The following NPAS3 variants were observed in gnomAD, a reference collection of about 807,000 sequenced individuals.
NPAS3 encodes neuronal PAS domain protein 3, also known as neuronal PAS domain-containing protein 3.
A neutral mutation model predicts 73.1 loss-of-function variants in NPAS3; 14 were observed. That is an observed-to-expected ratio of 0.19 (90% CI 0.13 to 0.30). The LOEUF (loss-of-function observed/expected upper bound fraction) is 0.30. Ranked by LOEUF, NPAS3 falls within the 10% of genes least tolerant of loss-of-function variation. NPAS3 has a pLI of 1.00. For synonymous variants in NPAS3, 620 were observed against 541.5 expected (o/e 1.14, Z -2.01); for missense variants, 1,096 against 1,250.0 (o/e 0.88, Z 1.86).
At chr14:32,967,895 T>C (rs2139286238) in intron 1 of NPAS3, among the ~76,000 whole-genome samples, 1 of 134,130 alleles carries the variant, frequency 7.5e-6, no homozygotes, top group African/African-American at 2.8e-5. Flanking sequence ...ATCATTGCAA[T>C]AGTATTACAT....
chr14:33,207,269 A>ACACACACG (rs2046865460), intron 2 of NPAS3, among the ~76,000 whole-genome samples: 3 of 139,786 alleles, frequency 2.1e-5, no homozygotes, highest in African/African-American at 8.4e-5. Flanking sequence ...ACACACACGC[A>ACACACACG]CACACACACA....
At position 33,198,662 on chromosome 14, in the gene NPAS3, G is replaced by T. The variant is rs544406964; in HGVS notation, c.141-16520G>T. Among the ~76,000 whole-genome samples the T allele has an allele frequency of 7.2e-5, 11 of 152,362 alleles. No individual in the cohort carries two copies. The South Asian group carries it at 2.1e-3, about 29-fold the overall frequency. On this transcript the variant is annotated intron_variant, in intron 2 of 11. Transcript: ENST00000356141. ...TCTCCAAGTCCCCACAGACTCAGGA[G>T]CCCAGCTGGTTTCCCCTAGTGGATC...
intron 6 of NPAS3, among the ~76,000 whole-genome samples, chr14:33,703,306 G>A (rs976231552): frequency 5.3e-5 from 8 of 151,974 alleles, no homozygotes; most frequent in Non-Finnish European, 1.2e-4. Flanking sequence ...GCCACACAGT[G>A]AGACCCCCCA....
At chr14:33,772,686 T>G (rs1442230316) in intron 7 of NPAS3, among the ~76,000 whole-genome samples, 1 of 152,196 alleles carries the variant, frequency 6.6e-6, no homozygotes, top group Non-Finnish European at 1.5e-5. Context: ...ACCCCTCCTG[T>G]GAAGTTAATC....
At chr14:33,616,920 G>A (rs1025122063) in intron 5 of NPAS3, among the ~76,000 whole-genome samples, 2 of 152,162 alleles carry the variant, frequency 1.3e-5, no homozygotes, top group South Asian at 2.1e-4. Context: ...AAAATTACAT[G>A]GCAGTTTTAG....
chr14:32,953,368 C>T (rs549802935), intron 1 of NPAS3, among the ~76,000 whole-genome samples: 2 of 152,204 alleles, frequency 1.3e-5, no homozygotes, highest in East Asian at 3.9e-4. Flanking sequence ...CTGTATCCTG[C>T]TGCTATTCAC....
At position 33,445,097 on chromosome 14, in the gene NPAS3, CTG is replaced by C. The variant is rs750989443; in HGVS notation, c.468+77831_468+77832del. On this transcript the variant is annotated intron_variant, in intron 4 of 11. Transcript: ENST00000356141. ...ATTGTTTGTGTTTGTTCACAACAGACTGTACTATTCTTCGGCACTTGGTTAAT... is the reference window on the plus strand; with the variant it reads ...ATTGTTTGTGTTTGTTCACAACAGACTACTATTCTTCGGCACTTGGTTAAT... 4.0e-4 allele frequency among the ~76,000 whole-genome samples: 61 copies of C among 152,366 alleles called. 1 individual carries two copies. In the Middle Eastern group the frequency reaches 0.01, roughly 25 times the overall value.
intron 5 of NPAS3, among the ~76,000 whole-genome samples, chr14:33,645,094 A>G (rs1170447338): frequency 6.6e-6 from 1 of 151,294 alleles, no homozygotes; most frequent in Non-Finnish European, 1.5e-5. Flanking sequence ...AAAAAAAAAA[A>G]AAGAAAGAAA....
At chr14:33,286,473 G>C (rs979844339) in intron 3 of NPAS3, among the ~76,000 whole-genome samples, 1 of 152,158 alleles carries the variant, frequency 6.6e-6, no homozygotes, top group Admixed American at 6.5e-5. Context: ...ATTGTGCTGT[G>C]TTCATGCCCC....
At chr14:33,386,512 C>CT (rs34867536) in intron 4 of NPAS3, among the ~76,000 whole-genome samples, 6 of 149,996 alleles carry the variant, frequency 4.0e-5, no homozygotes, top group Admixed American at 6.6e-5. Context: ...CAGTTTCAAT[C>CT]TTTTTTTTTT....
At chr14:32,959,108 G>C (rs2036801388) in intron 1 of NPAS3, among the ~76,000 whole-genome samples, 1 of 152,232 alleles carries the variant, frequency 6.6e-6, no homozygotes, top group African/African-American at 2.4e-5. Flanking sequence ...CTTGATGTAA[G>C]TCTTGTTTGC....
intron 2 of NPAS3, among the ~76,000 whole-genome samples, chr14:33,117,309 A>T (rs890477991): frequency 6.6e-6 from 1 of 152,062 alleles, no homozygotes; most frequent in South Asian, 2.1e-4. Flanking sequence ...GTCAAACTCT[A>T]TTTGAGATCT....
At chr14:33,126,305 A>T (rs2139073154) in intron 2 of NPAS3, among the ~76,000 whole-genome samples, 1 of 152,314 alleles carries the variant, frequency 6.6e-6, no homozygotes, top group South Asian at 2.1e-4. Context: ...TTCAGTTGAT[A>T]GATGGTGTCT....
intron 5 of NPAS3, among the ~76,000 whole-genome samples, chr14:33,668,627 C>A (rs2059523978): frequency 6.6e-6 from 1 of 152,128 alleles, no homozygotes. Context: ...ACCAGCCTGG[C>A]CAACACGACA....
At chr14:33,254,253 G>A (rs558323886) in intron 3 of NPAS3, among the ~76,000 whole-genome samples, 26 of 152,110 alleles carry the variant, frequency 1.7e-4, no homozygotes, top group African/African-American at 5.5e-4. Context: ...CATCTGTTAG[G>A]ATTTCTGTCC....
chr14:33,365,534 G>A (rs1296694895), intron 3 of NPAS3, among the ~76,000 whole-genome samples: 1 of 152,096 alleles, frequency 6.6e-6, no homozygotes, highest in Non-Finnish European at 1.5e-5. Context: ...TTAGTTGTGT[G>A]TTTTGCTTCT....
At chr14:33,760,245 T>C (rs906293298) in intron 7 of NPAS3, among the ~76,000 whole-genome samples, 3 of 152,192 alleles carry the variant, frequency 2.0e-5, no homozygotes, top group Non-Finnish European at 4.4e-5. Flanking sequence ...CATTTCTTCC[T>C]GAGCTACCAT....
intron 2 of NPAS3, among the ~76,000 whole-genome samples, chr14:33,189,218 A>G (rs2046083572): frequency 6.6e-6 from 1 of 152,192 alleles, no homozygotes; most frequent in South Asian, 2.1e-4. Context: ...AGCTGAATGC[A>G]AAGGATATTG....
intron 5 of NPAS3, among the ~76,000 whole-genome samples, chr14:33,584,686 C>G (rs554175172): frequency 1.3e-5 from 2 of 152,118 alleles, no homozygotes; most frequent in Non-Finnish European, 2.9e-5. Flanking sequence ...ATGAAACATA[C>G]CCAGATTGAA....
Sources: allele counts gnomAD v4.1 joint callset (sites outside exome capture counted in the v4.1 genomes callset), GRCh38; gene constraint gnomAD v4.1.1; transcripts MANE v1.5; gene names NCBI Gene and HGNC (gene_info 2026-07-23, HGNC 2026-07-21).